APBB2: variants seen among roughly 807,000 people sequenced by gnomAD.
APBB2 encodes Fe65-like 1.
Under a neutral mutation model 82.5 loss-of-function variants are expected in APBB2, and 38 were observed. That is an observed-to-expected ratio of 0.46 (90% CI 0.36 to 0.60). The LOEUF (loss-of-function observed/expected upper bound fraction) is 0.60, where lower values mean the gene tolerates loss of function less well. Ranked by LOEUF, APBB2 falls within the 20% of genes least tolerant of loss-of-function variation. The pLI, the probability that APBB2 is intolerant of heterozygous loss-of-function variation, is 0.00. For missense variants in APBB2, 772 were observed against 972.3 expected, an observed-to-expected ratio of 0.79 and a Z score of 2.74; for synonymous variants, 341 against 368.2, an observed-to-expected ratio of 0.93 and a Z score of 0.85.
chr4:41,179,920 C>T (rs1035864670), intron 1 of APBB2, among the ~76,000 whole-genome samples: 2 of 152,174 alleles, frequency 1.3e-5, no homozygotes, highest in Non-Finnish European at 2.9e-5. Flanking sequence ...ATTTTAAAAC[C>T]TCAGGGAAAG....
rs1379026084 is a variant in APBB2 at position 40,813,413 on chromosome 4, A to AT, written c.*2678dup. ...ACCGAATCACAGATCTAAAGAATGC[A>AT]TAGATAACTGAAGTGTCACTAAGAT... On this transcript the variant is annotated 3_prime_UTR_variant, in exon 18 of 18. Transcript: ENST00000508593. 3.3e-5 allele frequency: 5 copies of AT among 152,348 alleles called. No homozygotes were observed. The highest frequency in any genetic ancestry group is 7.4e-5 in the Non-Finnish European group (5 of 68,026). The allele number at this position is 152,348 out of a possible 1,614,324, so 9.4% of individuals were successfully genotyped here.
intron 12 of APBB2, among the ~76,000 whole-genome samples, chr4:40,865,059 T>A (rs905969268): frequency 4.6e-5 from 7 of 152,068 alleles, no homozygotes; most frequent in African/African-American, 1.7e-4. Context: ...GGTTTTACCA[T>A]GTTGGTCAGG....
At chr4:40,844,496 T>G (rs10027243) in intron 12 of APBB2, among the ~76,000 whole-genome samples, 27 of 152,276 alleles carry the variant, frequency 1.8e-4, no homozygotes, top group Middle Eastern at 3.4e-3. Flanking sequence ...TGGGCAGCAT[T>G]TGAGATGGAC....
At chr4:41,071,737 G>C (rs1334145598) in intron 3 of APBB2, among the ~76,000 whole-genome samples, 1 of 152,128 alleles carries the variant, frequency 6.6e-6, no homozygotes, top group African/African-American at 2.4e-5. Flanking sequence ...CATTGAGAAT[G>C]ATCACGATTT....
chr4:41,116,588 G>A (rs1029907276), intron 2 of APBB2, among the ~76,000 whole-genome samples: 1 of 152,046 alleles, frequency 6.6e-6, no homozygotes, highest in South Asian at 2.1e-4. Flanking sequence ...CCAAGATCGC[G>A]TCACTGCTTT....
At chr4:41,178,619 C>G (rs575891573) in intron 1 of APBB2, among the ~76,000 whole-genome samples, 2 of 152,202 alleles carry the variant, frequency 1.3e-5, no homozygotes, top group South Asian at 4.1e-4. Flanking sequence ...TCTATCAAGG[C>G]TCACATCACC....
intron 1 of APBB2, among the ~76,000 whole-genome samples, chr4:41,182,217 T>C (rs1461239473): frequency 6.6e-6 from 1 of 152,192 alleles, no homozygotes; most frequent in Non-Finnish European, 1.5e-5. Context: ...CCCATTAAGC[T>C]CACTCCAATT....
intron 6 of APBB2, among the ~76,000 whole-genome samples, chr4:40,982,400 GGAAAGAAAGAAAGAAA>G (rs1291191407): frequency 1.2e-4 from 2 of 16,052 alleles, no homozygotes; most frequent in African/African-American, 4.0e-4. Context: ...GGAAAGGAAA[GGAAAGAAAGAAAGAAA>G]GAAAGAAAGA....
At chr4:41,197,702 TC>T in intron 1 of APBB2, among the ~76,000 whole-genome samples, 7 of 152,146 alleles carry the variant, frequency 4.6e-5, no homozygotes, top group Admixed American at 2.6e-4. Context: ...TACTTAACCT[TC>T]AAAACCCGTC....
chr4:40,940,723 G>C (rs763616295), intron 7 of APBB2, among the ~76,000 whole-genome samples: 2 of 152,276 alleles, frequency 1.3e-5, no homozygotes, highest in Admixed American at 1.3e-4. Flanking sequence ...TCATTTTCTC[G>C]AGCTTCAGAC....
intron 4 of APBB2, among the ~76,000 whole-genome samples, chr4:41,064,524 T>A (rs912075398): frequency 6.6e-5 from 10 of 152,208 alleles, no homozygotes; most frequent in Non-Finnish European, 1.5e-4. Context: ...CAAATAAATA[T>A]CTATACAGCT....
chr4:41,195,259 A>G, intron 1 of APBB2, among the ~76,000 whole-genome samples: 1 of 152,144 alleles, frequency 6.6e-6, no homozygotes, highest in South Asian at 2.1e-4. Context: ...GATGGTATCC[A>G]TGGCTGAAAT....
intron 2 of APBB2, among the ~76,000 whole-genome samples, chr4:41,135,356 T>A (rs1354371833): frequency 6.6e-6 from 1 of 152,166 alleles, no homozygotes; most frequent in Non-Finnish European, 1.5e-5. Flanking sequence ...GCCAGACCAA[T>A]GTTGATACTT....
intron 12 of APBB2, among the ~76,000 whole-genome samples, chr4:40,876,786 G>A (rs1767029393): frequency 1.3e-5 from 2 of 151,830 alleles, no homozygotes; most frequent in South Asian, 4.2e-4. Context: ...TGAATGTGTC[G>A]ATGTAAAAAA....
At chr4:40,851,154 T>G (rs1218239155) in intron 12 of APBB2, among the ~76,000 whole-genome samples, 1 of 152,136 alleles carries the variant, frequency 6.6e-6, no homozygotes, top group Non-Finnish European at 1.5e-5. Flanking sequence ...GTAAACCAAT[T>G]GAGGGACTCT....
At chr4:41,106,497 G>C (rs1747296600) in intron 2 of APBB2, among the ~76,000 whole-genome samples, 1 of 151,846 alleles carries the variant, frequency 6.6e-6, no homozygotes, top group Non-Finnish European at 1.5e-5. Flanking sequence ...GTTTGTTTGA[G>C]ATGGAGTCTT....
intron 4 of APBB2, among the ~76,000 whole-genome samples, chr4:41,059,996 T>A (rs542042363): frequency 4.2e-4 from 55 of 132,492 alleles, no homozygotes; most frequent in East Asian, 1.4e-3. Context: ...AAAAATAAAA[T>A]AATAATAATA....
intron 1 of APBB2, among the ~76,000 whole-genome samples, chr4:41,157,119 G>A (rs1239275403): frequency 6.6e-6 from 1 of 150,972 alleles, no homozygotes; most frequent in African/African-American, 2.4e-5. Flanking sequence ...GATGGAGAAG[G>A]GATTAGGGAT....
intron 6 of APBB2, among the ~76,000 whole-genome samples, chr4:40,952,639 T>A (rs1419877382): frequency 6.6e-6 from 1 of 152,184 alleles, no homozygotes; most frequent in Non-Finnish European, 1.5e-5. Flanking sequence ...TGTGAGGCCT[T>A]TATTTGGAAA....
Sources: allele counts gnomAD v4.1 joint callset (sites outside exome capture counted in the v4.1 genomes callset), GRCh38; gene constraint gnomAD v4.1.1; transcripts MANE v1.5; gene names NCBI Gene and HGNC (gene_info 2026-07-23, HGNC 2026-07-21).